Variants in MINDY4 observed in about 807,000 individuals in gnomAD.
MINDY4 encodes the protein probable ubiquitin carboxyl-terminal hydrolase MINDY-4.
Under a neutral mutation model 87.0 loss-of-function variants are expected in MINDY4, and 68 were observed. The observed-to-expected ratio is 0.78, with a 90% CI of 0.64 to 0.96. The LOEUF (loss-of-function observed/expected upper bound fraction) is 0.96, where lower values mean the gene tolerates loss of function less well. MINDY4 is among the 40% of genes least tolerant of loss of function. The pLI, the probability that MINDY4 is intolerant of heterozygous loss-of-function variation, is 0.00. For missense variants in MINDY4, 919 were observed against 928.2 expected (o/e 0.99, Z 0.13); for synonymous variants, 379 against 363.2 (o/e 1.04, Z -0.50).
At chr7:30,859,474 G>A (rs988984804) in intron 13 of MINDY4, 150 bp downstream of exon 13, 6 of 740,772 alleles carry the variant, frequency 8.1e-6, no homozygotes, top group South Asian at 3.5e-5. Flanking sequence ...GTAGGGGAAG[G>A]TCTGCTGGTG....
intron 10 of MINDY4, 76 bp from the exon 11 acceptor site, chr7:30,852,140 C>T (rs1789432678): frequency 2.0e-6 from 3 of 1,530,866 alleles, no homozygotes; most frequent in African/African-American, 2.8e-5. Context: ...TTTAATGACA[C>T]ATGTGGTTTC....
chr7:30,858,551 G>T (rs1789649780), intron 12 of MINDY4: 1 of 151,952 alleles, frequency 6.6e-6, no homozygotes. Flanking sequence ...CTAAGGGGGT[G>T]CCAAAAATCT....
chr7:30,784,553 C>T (rs12701030), intron 3 of MINDY4, among the ~76,000 whole-genome samples: 70,950 of 152,046 alleles, frequency 0.47, 16,992 homozygotes, highest in South Asian at 0.53. Context: ...GCTATCCTGC[C>T]GAAGGGCTTC....
At chr7:30,804,365 A>G (rs548823199) in intron 5 of MINDY4, among the ~76,000 whole-genome samples, 1 of 152,330 alleles carries the variant, frequency 6.6e-6, no homozygotes, top group South Asian at 2.1e-4. Flanking sequence ...GCCTTTTCCC[A>G]ATAAAGTAAA....
chr7:30,835,273 C>T (rs1562547465), intron 6 of MINDY4, among the ~76,000 whole-genome samples: 1 of 152,188 alleles, frequency 6.6e-6, no homozygotes, highest in Non-Finnish European at 1.5e-5. Context: ...TGGATGGCAG[C>T]AGGCAAAGAG....
intron 5 of MINDY4, among the ~76,000 whole-genome samples, chr7:30,814,388 A>G (rs1009991556): frequency 1.3e-5 from 2 of 152,210 alleles, no homozygotes; most frequent in Admixed American, 6.5e-5. Flanking sequence ...GATTATGTCA[A>G]CCTTTAGAAT....
chr7:30,879,397 CTCTGAGATAATAAATGTCTGCTG>C (rs1413807965), intron 15 of MINDY4, among the ~76,000 whole-genome samples: 1 of 152,228 alleles, frequency 6.6e-6, no homozygotes. Flanking sequence ...GCTTCCGGAA[CTCTGAGATAATAAATGTCTGCTG>C]TCTGAGCCAT....
chr7:30,872,321 T>TG lies in MINDY4; in HGVS notation c.1809+19dup. ...ACTGTACACAGGTCAGGGGGCGCTG[T>TG]GGGGCCCAGGTGGTCCTTCCCCCTC... On this transcript the variant is annotated intron_variant, in intron 14 of 17. Transcript: ENST00000265299. 1 of 1,613,138 alleles carries TG rather than the reference T, an allele frequency of 6.2e-7. No individual in the cohort carries two copies. Among genetic ancestry groups the TG allele is most frequent in the Non-Finnish European group, 8.5e-7 (1 of 1,179,290 alleles).
intron 5 of MINDY4, among the ~76,000 whole-genome samples, chr7:30,799,069 A>G (rs1317369056): frequency 2.0e-5 from 3 of 152,104 alleles, no homozygotes; most frequent in Non-Finnish European, 4.4e-5. Flanking sequence ...TCTTGCCTTT[A>G]TGTCATGCAC....
intron 5 of MINDY4, chr7:30,796,907 A>AAC (rs1787507663): frequency 6.6e-6 from 1 of 151,820 alleles, no homozygotes; most frequent in Non-Finnish European, 1.5e-5. Context: ...CAAAAAAAAA[A>AAC]AAAAGACCCT....
Position 30,782,000 on chromosome 7 carries a change from A to G in MINDY4, c.207A>G (p.Thr69=), listed in dbSNP as rs764924738. The G allele has an allele frequency of 6.2e-7, 1 of 1,613,436 alleles. No homozygotes were observed. The highest frequency in any genetic ancestry group is 8.5e-7 in the Non-Finnish European group (1 of 1,179,820). The change falls in exon 3 of 18, where the codon ACA becomes ACG. Residue 69 remains threonine, a synonymous_variant. Coordinates refer to ENST00000265299, the MANE Select transcript of MINDY4 (RefSeq NM_032222.3). ...AGGCAAAGGAAAATCCTCTAAAAAC[A>G]AGCCTTGAACTCATCACCAGATACT... is the stretch of plus-strand genomic sequence containing the variant. ...ENKAKENPLK[T]SLELITRYFL... is the part of the protein sequence containing the mutation.
chr7:30,804,436 A>C (rs1473371654), intron 5 of MINDY4, among the ~76,000 whole-genome samples: 4 of 152,186 alleles, frequency 2.6e-5, no homozygotes, highest in African/African-American at 9.7e-5. Flanking sequence ...GCATTTATAG[A>C]GTGCCTCTTG....
intron 6 of MINDY4, among the ~76,000 whole-genome samples, chr7:30,836,230 T>C (rs1458328459): frequency 1.3e-5 from 2 of 152,268 alleles, no homozygotes; most frequent in East Asian, 3.8e-4. Context: ...TTCCCAGTCC[T>C]GTCCTCTTCA....
intron 13 of MINDY4, among the ~76,000 whole-genome samples, chr7:30,864,470 G>C (rs543580059): frequency 6.6e-6 from 1 of 152,238 alleles, no homozygotes; most frequent in Non-Finnish European, 1.5e-5. Context: ...CTGGATCCAG[G>C]AACCCAGACA....
chr7:30,787,262 G>A (rs1438481532), intron 4 of MINDY4, among the ~76,000 whole-genome samples: 1 of 152,216 alleles, frequency 6.6e-6, no homozygotes, highest in Non-Finnish European at 1.5e-5. Context: ...CCACTGTGTA[G>A]TTCAGGCCAC....
In MINDY4 at chr7:30,781,963, T is replaced by C; in HGVS notation, c.184-14T>C. 1 of 1,574,148 alleles carries C rather than the reference T, an allele frequency of 6.4e-7. No homozygotes were observed. Among genetic ancestry groups the C allele is most frequent in the Non-Finnish European group, 8.7e-7 (1 of 1,149,532 alleles). On this transcript the variant is annotated splice_polypyrimidine_tract_variant and intron_variant, in intron 2 of 17. Transcript: ENST00000265299. ...TATATAAATTAATGATTTTTTTTTC[T>C]CTCCCAATGATAGGCAAAGGAAAAT...
At chr7:30,874,621 G>C (rs1220891440) in intron 14 of MINDY4, among the ~76,000 whole-genome samples, 1 of 152,216 alleles carries the variant, frequency 6.6e-6, no homozygotes, top group Non-Finnish European at 1.5e-5. Flanking sequence ...TGTGTAGCTT[G>C]AGTCACAGGA....
rs1371085748 is a variant in MINDY4 at position 30,882,218 on chromosome 7, G to C, written c.2009G>C (p.Trp670Ser). 4 of 1,613,300 alleles carry C rather than the reference G, an allele frequency of 2.5e-6. No individual in the cohort carries two copies. The African/African-American group carries it at 5.3e-5, about 22-fold the overall frequency. ...CFLKTPRFPIWVVCSESHFSI... is the reference protein window; with the variant it reads ...CFLKTPRFPISVVCSESHFSI... ...CTGAAGACCCCGAGGTTCCCCATCTGGGTGGTTTGCAGTGAGAGCCACTTC... is the reference window on the plus strand; with the variant it reads ...CTGAAGACCCCGAGGTTCCCCATCTCGGTGGTTTGCAGTGAGAGCCACTTC... The change falls in exon 16 of 18, where the codon TGG becomes TCG. Residue 670 changes from tryptophan (W) to serine (S), a missense_variant. By Grantham distance (177) the Trp-to-Ser change is radical. Transcript: ENST00000265299.
intron 13 of MINDY4, among the ~76,000 whole-genome samples, chr7:30,870,933 C>T (rs1343367334): frequency 1.3e-5 from 2 of 151,764 alleles, no homozygotes; most frequent in East Asian, 3.9e-4. Flanking sequence ...CATGTGTGCC[C>T]CCCAGGGTCG....
Sources: allele counts gnomAD v4.1 joint callset (sites outside exome capture counted in the v4.1 genomes callset), GRCh38; gene constraint gnomAD v4.1.1; transcripts MANE v1.5; gene names NCBI Gene and HGNC (gene_info 2026-07-23, HGNC 2026-07-21).